GRIK2: variants seen among roughly 807,000 people sequenced by gnomAD.
GRIK2 encodes the protein glutamate ionotropic receptor kainate type subunit 2, also known as glutamate receptor ionotropic, kainate 2.
Under a neutral mutation model 100.3 loss-of-function variants are expected in GRIK2, and 32 were observed. That is an observed-to-expected ratio of 0.32 (90% CI 0.24 to 0.43). The LOEUF (loss-of-function observed/expected upper bound fraction) is 0.43. Ranked by LOEUF, GRIK2 falls within the 20% of genes least tolerant of loss-of-function variation. The pLI is 1.00. For missense variants in GRIK2, 843 were observed against 1,114.9 expected (o/e 0.76, Z 3.47); for synonymous variants, 417 against 389.4 (o/e 1.07, Z -0.83).
chr6:101,706,863 G>C (rs1021744095), intron 7 of GRIK2, among the ~76,000 whole-genome samples: 3 of 151,944 alleles, frequency 2.0e-5, no homozygotes, highest in Admixed American at 2.0e-4. Flanking sequence ...CAAAGGTGCA[G>C]ATGCTAGAGG....
intron 12 of GRIK2, among the ~76,000 whole-genome samples, chr6:101,911,500 G>C (rs978624365): frequency 1.3e-5 from 2 of 151,440 alleles, no homozygotes; most frequent in African/African-American, 4.8e-5. Context: ...TTTGGGAGAT[G>C]CTGACTTAAA....
intron 7 of GRIK2, among the ~76,000 whole-genome samples, chr6:101,752,274 T>C (rs1280775071): frequency 1.3e-5 from 2 of 152,186 alleles, no homozygotes; most frequent in African/African-American, 4.8e-5. Flanking sequence ...TCAAAATAAT[T>C]TTGACTCTGA....
chr6:102,021,597 A>G (rs958838802), intron 14 of GRIK2, among the ~76,000 whole-genome samples: 1 of 151,580 alleles, frequency 6.6e-6, no homozygotes, highest in African/African-American at 2.4e-5. Flanking sequence ...GTAATGTCCT[A>G]GAGTTTTACT....
At chr6:101,508,412 C>T (rs995259553) in intron 2 of GRIK2, among the ~76,000 whole-genome samples, 13 of 151,992 alleles carry the variant, frequency 8.6e-5, no homozygotes, top group Non-Finnish European at 1.8e-4. Context: ...AAATTAAGGA[C>T]GTTCCTGAGA....
chr6:101,652,433 A>T (rs1418602803), intron 4 of GRIK2, among the ~76,000 whole-genome samples: 1 of 152,138 alleles, frequency 6.6e-6, no homozygotes, highest in Non-Finnish European at 1.5e-5. Context: ...CAGCCTCTAG[A>T]ACTGTAGGAA....
At chr6:101,737,641 T>G (rs1775732547) in intron 7 of GRIK2, among the ~76,000 whole-genome samples, 1 of 152,052 alleles carries the variant, frequency 6.6e-6, no homozygotes, top group African/African-American at 2.4e-5. Context: ...GAGATTTGGG[T>G]GGGGACACAG....
Position 101,494,022 on chromosome 6 carries a change from TTA to T in GRIK2, c.115+94639_115+94640del, listed in dbSNP as rs930031983. ...AAAATGTATATATTATATATAAAAA[TTA>T]TATATATAATTTATTATATAAAATA... On this transcript the variant is annotated intron_variant, in intron 2 of 16. Coordinates refer to ENST00000369134, the MANE Select transcript of GRIK2 (RefSeq NM_021956.5). Among the ~76,000 whole-genome samples, 874 of 89,072 alleles carry T rather than the reference TTA, an allele frequency of 9.8e-3. 8 individuals carry two copies. Among genetic ancestry groups the T allele is most frequent in the African/African-American group, 0.048 (840 of 17,592 alleles). The allele number at this position is 89,072 out of a possible 152,430, so 58.4% of individuals were successfully genotyped here.
intron 14 of GRIK2, among the ~76,000 whole-genome samples, chr6:102,004,281 A>G (rs1795095584): frequency 6.9e-6 from 1 of 144,974 alleles, no homozygotes. Flanking sequence ...TTTTTCCTGT[A>G]AGTTCATTTT....
In GRIK2 at chr6:101,799,160, GT is replaced by G. The variant is rs572296260; in HGVS notation, c.952-484del. Among the ~76,000 whole-genome samples, 324 of 152,034 alleles carry G rather than the reference GT, an allele frequency of 2.1e-3. 5 individuals carry two copies. The highest frequency in any genetic ancestry group is 1.4e-3 in the East Asian group (7 of 5,180). ...GATTAAAACAATGAAAGAATTTAAG[GT>G]TTTAAGTAAGTCTCCCTTAAAATCT... On this transcript the variant is annotated intron_variant, in intron 7 of 16. Transcript: ENST00000369134.
intron 10 of GRIK2, among the ~76,000 whole-genome samples, chr6:101,843,269 G>A (rs1187127578): frequency 6.6e-6 from 1 of 152,118 alleles, no homozygotes; most frequent in Admixed American, 6.5e-5. Flanking sequence ...ATTATATCTG[G>A]ATAGTTTGTC....
intron 2 of GRIK2, among the ~76,000 whole-genome samples, chr6:101,523,914 G>A (rs896311387): frequency 6.6e-6 from 1 of 151,910 alleles, no homozygotes; most frequent in African/African-American, 2.4e-5. Flanking sequence ...TGGAGATGGG[G>A]TTTCACCATA....
chr6:101,596,331 A>G (rs1778929972), intron 2 of GRIK2, among the ~76,000 whole-genome samples: 1 of 150,814 alleles, frequency 6.6e-6, no homozygotes, highest in South Asian at 2.1e-4. Context: ...ACCATCACCT[A>G]GAAATTTACC....
chr6:101,440,873 G>C (rs887274144), intron 2 of GRIK2, among the ~76,000 whole-genome samples: 3 of 146,494 alleles, frequency 2.0e-5, no homozygotes, highest in African/African-American at 5.1e-5. Context: ...GATTCTACGA[G>C]AAAGAAATGC....
intron 10 of GRIK2, among the ~76,000 whole-genome samples, chr6:101,822,668 C>T (rs1401752056): frequency 1.3e-5 from 2 of 152,090 alleles, no homozygotes; most frequent in East Asian, 1.9e-4. Context: ...TGGATTTATT[C>T]GTTTACTTGT....
chr6:101,675,674 G>A (rs1770783554), intron 4 of GRIK2, among the ~76,000 whole-genome samples: 1 of 151,978 alleles, frequency 6.6e-6, no homozygotes, highest in Admixed American at 6.6e-5. Flanking sequence ...ATGCATCACA[G>A]TTATATGACT....
intron 2 of GRIK2, among the ~76,000 whole-genome samples, chr6:101,405,671 A>C (rs553661746): frequency 6.6e-6 from 1 of 152,202 alleles, no homozygotes; most frequent in Non-Finnish European, 1.5e-5. Flanking sequence ...TTAAACTTCA[A>C]TGTAGTAAGT....
At chr6:101,667,274 C>T (rs1320362362) in intron 4 of GRIK2, among the ~76,000 whole-genome samples, 1 of 152,010 alleles carries the variant, frequency 6.6e-6, no homozygotes, top group Non-Finnish European at 1.5e-5. Context: ...GGGTTGTGAG[C>T]ATTTCTGGTA....
chr6:101,466,856 G>T (rs1771675452), intron 2 of GRIK2, among the ~76,000 whole-genome samples: 1 of 152,144 alleles, frequency 6.6e-6, no homozygotes, highest in African/African-American at 2.4e-5. Flanking sequence ...TCTATATAAA[G>T]TATGGAATTA....
chr6:101,628,353 T>C (rs1280906287), intron 4 of GRIK2, among the ~76,000 whole-genome samples: 1 of 152,098 alleles, frequency 6.6e-6, no homozygotes, highest in African/African-American at 2.4e-5. Context: ...TAGAGTAATT[T>C]TGTTTTCTTA....
Sources: gnomAD v4.1 joint callset for allele counts (sites outside exome capture counted in the v4.1 genomes callset) on GRCh38, gnomAD v4.1.1 for gene constraint, MANE v1.5 for transcripts, NCBI Gene and HGNC (gene_info 2026-07-23, HGNC 2026-07-21) for gene names.